The following OCA2 variants were observed in gnomAD, a reference collection of about 807,000 sequenced individuals.
The protein encoded by OCA2 is OCA2 melanosomal transmembrane protein.
Under a neutral mutation model 100.2 loss-of-function variants are expected in OCA2, and 77 were observed. That is an observed-to-expected ratio of 0.77 (90% confidence interval 0.64 to 0.93). The LOEUF (loss-of-function observed/expected upper bound fraction) is 0.93, where lower values mean the gene tolerates loss of function less well. Ranked by LOEUF, OCA2 falls within the 40% of genes least tolerant of loss-of-function variation. OCA2 has a pLI of 0.00. For synonymous variants in OCA2, 432 were observed against 439.2 expected, an observed-to-expected ratio of 0.98 and a Z score of 0.21; for missense variants, 1,062 against 1,089.1, an observed-to-expected ratio of 0.98 and a Z score of 0.35.
intron 2 of OCA2, among the ~76,000 whole-genome samples, chr15:28,046,452 G>A (rs2141516170): frequency 6.6e-6 from 1 of 152,244 alleles, no homozygotes; most frequent in African/African-American, 2.4e-5. Context: ...GAGGTCTCTT[G>A]TTAAGGACAC....
intron 22 of OCA2, among the ~76,000 whole-genome samples, chr15:27,848,100 T>C (rs1481301272): frequency 6.6e-6 from 1 of 152,056 alleles, no homozygotes; most frequent in Non-Finnish European, 1.5e-5. Flanking sequence ...GCCAGGAAAA[T>C]CATTATCAGA....
At position 27,755,532 on chromosome 15, in the gene OCA2, G is replaced by A. The variant is rs773448027; in HGVS notation, c.2433-60C>T. The stretch of plus-strand genomic sequence containing the variant: ...AAATCTGGATAATCTCATGAGATAC[G>A]GACTCATAGCTCATGAGAACATGGC... On this transcript the variant is annotated intron_variant, in intron 23 of 23. Coordinates refer to ENST00000354638, the MANE Select transcript of OCA2 (RefSeq NM_000275.3). 2.6e-5 allele frequency: 34 copies of A among 1,309,206 alleles called. 1 individual carries two copies. The highest frequency in any genetic ancestry group is 2.1e-4 in the South Asian group (18 of 84,482). 81.1% of individuals were successfully genotyped at this position (1,309,206 alleles called of 1,614,324 possible).
intron 21 of OCA2, among the ~76,000 whole-genome samples, chr15:27,867,577 T>C (rs8036059): frequency 0.11 from 16,516 of 152,174 alleles, 2,108 homozygotes; most frequent in African/African-American, 0.3. Flanking sequence ...AAGAAACCAG[T>C]CGCTGTGAAG....
chr15:28,011,034 G>A (rs1229249235), intron 9 of OCA2, among the ~76,000 whole-genome samples: 1 of 152,192 alleles, frequency 6.6e-6, no homozygotes, highest in Non-Finnish European at 1.5e-5. Context: ...CCACAAATAT[G>A]TCCGATTAAT....
chr15:28,020,472 TG>T (rs1454500550), intron 6 of OCA2, among the ~76,000 whole-genome samples: 1 of 151,944 alleles, frequency 6.6e-6, no homozygotes, highest in Non-Finnish European at 1.5e-5. Flanking sequence ...TGGGTCAGCC[TG>T]GCAGCCGGTT....
At chr15:27,851,509 A>G (rs375766416) in intron 21 of OCA2, 34 bp from the exon 22 acceptor site, 17 of 1,552,678 alleles carry the variant, frequency 1.1e-5, no homozygotes, top group East Asian at 2.3e-5. Context: ...GCCACGTCCC[A>G]TGGACGCTCA....
the OCA2 span, among the ~76,000 whole-genome samples, chr15:27,722,710 TTCTTTC>T: frequency 1.1e-5 from 1 of 87,132 alleles, no homozygotes; most frequent in African/African-American, 6.5e-5. Context: ...CTTCCTTCCT[TTCTTTC>T]TCTCTTTCTT....
chr15:27,778,898 C>T (rs1040131759), intron 23 of OCA2, among the ~76,000 whole-genome samples: 10 of 152,204 alleles, frequency 6.6e-5, no homozygotes, highest in Non-Finnish European at 1.3e-4. Flanking sequence ...TACTATTATA[C>T]GCTGAGCATT....
At chr15:27,783,889 C>G (rs2032670930) in intron 23 of OCA2, among the ~76,000 whole-genome samples, 1 of 152,192 alleles carries the variant, frequency 6.6e-6, no homozygotes, top group African/African-American at 2.4e-5. Context: ...GGGAGGACAG[C>G]AAGCACTCTA....
intron 18 of OCA2, among the ~76,000 whole-genome samples, chr15:27,931,373 C>T (rs1444641429): frequency 6.6e-6 from 1 of 151,992 alleles, no homozygotes; most frequent in Admixed American, 6.6e-5. Context: ...TTGCTCTTGT[C>T]GCCCAGGCTG....
intron 9 of OCA2, among the ~76,000 whole-genome samples, chr15:28,007,245 T>C (rs77451878): frequency 0.013 from 2,054 of 152,354 alleles, 43 homozygotes; most frequent in African/African-American, 0.047. Context: ...TGTTGTGAAA[T>C]ATTGTTCATT....
intron 2 of OCA2, among the ~76,000 whole-genome samples, chr15:28,074,485 G>A (rs201244496): frequency 1.1e-4 from 17 of 151,844 alleles, no homozygotes; most frequent in East Asian, 1.9e-4. Flanking sequence ...CCATCCTGGC[G>A]AACATGGTGA....
chr15:27,986,898 C>T (rs895754377), intron 11 of OCA2, among the ~76,000 whole-genome samples: 1 of 152,164 alleles, frequency 6.6e-6, no homozygotes, highest in Non-Finnish European at 1.5e-5. Context: ...CATTACCATC[C>T]CATCTGATCC....
At chr15:27,963,330 T>G (rs2040465432) in intron 15 of OCA2, among the ~76,000 whole-genome samples, 1 of 152,174 alleles carries the variant, frequency 6.6e-6, no homozygotes, top group South Asian at 2.1e-4. Context: ...AAGAGCAGAA[T>G]ACGTTTTCAT....
chr15:27,753,911 G>T (rs950623447), downstream of OCA2, among the ~76,000 whole-genome samples: 1 of 152,046 alleles, frequency 6.6e-6, no homozygotes, highest in African/African-American at 2.4e-5. Flanking sequence ...GCTGGAAGGA[G>T]CCGGACATGA....
chr15:27,862,174 A>G (rs2036157845), intron 21 of OCA2, among the ~76,000 whole-genome samples: 1 of 151,094 alleles, frequency 6.6e-6, no homozygotes, highest in African/African-American at 2.5e-5. Flanking sequence ...GTCAGCCTCG[A>G]GTCCTCATGG....
chr15:28,074,901 G>C (rs1194689370), intron 2 of OCA2, among the ~76,000 whole-genome samples: 1 of 152,122 alleles, frequency 6.6e-6, no homozygotes, highest in Non-Finnish European at 1.5e-5. Flanking sequence ...ATGTATTTTT[G>C]ACAAAGATAC....
At chr15:28,020,460 C>T (rs2042558358) in intron 6 of OCA2, among the ~76,000 whole-genome samples, 1 of 151,970 alleles carries the variant, frequency 6.6e-6, no homozygotes, top group Non-Finnish European at 1.5e-5. Flanking sequence ...CCTTCAGGTT[C>T]CTGGGTCAGC....
At chr15:28,094,577 T>C (rs1377404820) in intron 1 of OCA2, among the ~76,000 whole-genome samples, 1 of 151,860 alleles carries the variant, frequency 6.6e-6, no homozygotes, top group African/African-American at 2.4e-5. Context: ...AAAAAAAAAA[T>C]AGATGGTTCA....
Sources: allele counts gnomAD v4.1 joint callset (sites outside exome capture counted in the v4.1 genomes callset), GRCh38; gene constraint gnomAD v4.1.1; transcripts MANE v1.5; gene names NCBI Gene and HGNC (gene_info 2026-07-23, HGNC 2026-07-21).